Variants in ZNF385B observed in about 807,000 individuals in gnomAD.
ZNF385B encodes zinc finger protein 385B.
ZNF385B carries 23 observed loss-of-function variants against 39.2 expected under a neutral mutation model. The observed-to-expected ratio is 0.59, with a 90% CI of 0.42 to 0.83. ZNF385B has a LOEUF of 0.83. ZNF385B is among the 40% of genes least tolerant of loss of function. The pLI is 0.00. For missense variants in ZNF385B, 552 were observed against 598.9 expected (o/e 0.92, Z 0.82); for synonymous variants, 205 against 222.6 (o/e 0.92, Z 0.70).
At chr2:179,625,704 T>C (rs1690597677) in intron 3 of ZNF385B, among the ~76,000 whole-genome samples, 1 of 152,064 alleles carries the variant, frequency 6.6e-6, no homozygotes, top group African/African-American at 2.4e-5. Flanking sequence ...ATTGAGATAA[T>C]AGGGCTGGTA....
chr2:179,536,487 CACA>C (rs2059575610), intron 4 of ZNF385B: 1 of 152,168 alleles, frequency 6.6e-6, no homozygotes, highest in Non-Finnish European at 1.5e-5. Context: ...TACAAGAGGA[CACA>C]GCATGGTGGG....
At chr2:179,781,449 T>C (rs377483273) in intron 1 of ZNF385B, among the ~76,000 whole-genome samples, 4 of 152,176 alleles carry the variant, frequency 2.6e-5, no homozygotes, top group African/African-American at 9.6e-5. Context: ...TGCTTGAATA[T>C]ACATATTGGA....
At chr2:179,561,044 G>A (rs1171644540) in intron 3 of ZNF385B, among the ~76,000 whole-genome samples, 1 of 152,090 alleles carries the variant, frequency 6.6e-6, no homozygotes, top group Non-Finnish European at 1.5e-5. Flanking sequence ...ATATTTTTAC[G>A]GAAATTCATC....
chr2:179,457,137 T>TA (rs1224273715), intron 6 of ZNF385B, among the ~76,000 whole-genome samples: 1 of 152,152 alleles, frequency 6.6e-6, no homozygotes, highest in African/African-American at 2.4e-5. Context: ...TCACACAATA[T>TA]ATTTCTTTTG....
At chr2:179,599,952 A>G (rs998227607) in intron 3 of ZNF385B, among the ~76,000 whole-genome samples, 1 of 152,236 alleles carries the variant, frequency 6.6e-6, no homozygotes, top group Admixed American at 6.5e-5. Flanking sequence ...TGCTCTGTCC[A>G]GGTGGATGCT....
chr2:179,495,144 G>A (rs2056067681), intron 5 of ZNF385B, among the ~76,000 whole-genome samples: 1 of 152,122 alleles, frequency 6.6e-6, no homozygotes, highest in Non-Finnish European at 1.5e-5. Flanking sequence ...TGCCTTTAAT[G>A]GTGAGTCCCA....
chr2:179,601,558 T>C (rs1688410892), intron 3 of ZNF385B, among the ~76,000 whole-genome samples: 1 of 152,272 alleles, frequency 6.6e-6, no homozygotes, highest in African/African-American at 2.4e-5. Context: ...GTGTATAAAA[T>C]AGAACCTGAT....
At chr2:179,733,684 G>C (rs1051858260) in intron 3 of ZNF385B, among the ~76,000 whole-genome samples, 3 of 151,556 alleles carry the variant, frequency 2.0e-5, no homozygotes, top group African/African-American at 7.3e-5. Flanking sequence ...TCCGGAGGCG[G>C]AGGCCGGAGA....
At chr2:179,821,950 T>C (rs567961477) in intron 1 of ZNF385B, among the ~76,000 whole-genome samples, 16 of 152,320 alleles carry the variant, frequency 1.1e-4, no homozygotes, top group African/African-American at 3.8e-4. Context: ...CAATAGCATA[T>C]GCTTAAAATT....
intron 3 of ZNF385B, among the ~76,000 whole-genome samples, chr2:179,720,925 GTTTTTTTTTTTTTT>G (rs56131510): frequency 1.4e-5 from 1 of 70,134 alleles, no homozygotes; most frequent in Non-Finnish European, 2.6e-5. Context: ...ATGCCTGGCT[GTTTTTTTTTTTTTT>G]TTTTTTTTTT....
intron 1 of ZNF385B, among the ~76,000 whole-genome samples, chr2:179,774,710 G>C (rs972858221): frequency 6.6e-6 from 1 of 152,194 alleles, no homozygotes; most frequent in Admixed American, 6.5e-5. Context: ...GCCCACAGCT[G>C]TTTGCATTTT....
At chr2:179,629,657 G>T (rs1283618039) in intron 3 of ZNF385B, among the ~76,000 whole-genome samples, 1 of 152,174 alleles carries the variant, frequency 6.6e-6, no homozygotes, top group African/African-American at 2.4e-5. Context: ...TCATCTCATT[G>T]GGACTGGTTG....
intron 1 of ZNF385B, among the ~76,000 whole-genome samples, chr2:179,814,042 T>G (rs1706901605): frequency 1.3e-5 from 2 of 152,258 alleles, no homozygotes; most frequent in Non-Finnish European, 2.9e-5. Flanking sequence ...AAATAGTTAT[T>G]TACAAACCTG....
chr2:179,515,176 C>T (rs1574547722), intron 5 of ZNF385B, among the ~76,000 whole-genome samples: 2 of 152,142 alleles, frequency 1.3e-5, no homozygotes, highest in South Asian at 2.1e-4. Context: ...ATTATTCAGT[C>T]AGTGTTCAAC....
intron 1 of ZNF385B, among the ~76,000 whole-genome samples, chr2:179,806,898 A>C (rs1706385020): frequency 1.3e-5 from 2 of 152,236 alleles, no homozygotes; most frequent in Non-Finnish European, 2.9e-5. Flanking sequence ...TTCACGCCAT[A>C]TACAGAACGA....
At chr2:179,546,392 C>G (rs2060237613) in intron 3 of ZNF385B, among the ~76,000 whole-genome samples, 1 of 152,096 alleles carries the variant, frequency 6.6e-6, no homozygotes, top group South Asian at 2.1e-4. Flanking sequence ...CTCTTCCCAT[C>G]CTCTAGTAAT....
intron 3 of ZNF385B, among the ~76,000 whole-genome samples, chr2:179,639,097 T>C (rs1692020690): frequency 6.6e-6 from 1 of 151,634 alleles, no homozygotes; most frequent in Non-Finnish European, 1.5e-5. Flanking sequence ...TGGTATGTGC[T>C]TGTAGTCCCA....
intron 3 of ZNF385B, among the ~76,000 whole-genome samples, chr2:179,546,960 T>A (rs978505191): frequency 6.7e-6 from 1 of 149,900 alleles, no homozygotes; most frequent in African/African-American, 2.5e-5. Context: ...TTTTGATTTG[T>A]CTGTTTTTGA....
intron 5 of ZNF385B, among the ~76,000 whole-genome samples, chr2:179,493,518 T>TATGTGTGTACATATATGCGTATACAG (rs2055532882): frequency 6.7e-6 from 1 of 150,362 alleles, no homozygotes; most frequent in East Asian, 1.9e-4. Context: ...TGCGTATACA[T>TATGTGTGTACATATATGCGTATACAG]ATGTGTGTAC....
Sources: gnomAD v4.1 joint callset for allele counts (sites outside exome capture counted in the v4.1 genomes callset) on GRCh38, gnomAD v4.1.1 for gene constraint, MANE v1.5 for transcripts, NCBI Gene and HGNC (gene_info 2026-07-23, HGNC 2026-07-21) for gene names.